Variants in VWA2 observed in about 807,000 individuals in gnomAD.
The protein encoded by VWA2 is von Willebrand factor A domain containing 2.
In VWA2, 73 loss-of-function variants were observed where a neutral mutation model predicts 70.4. That is an observed-to-expected ratio of 1.04 (90% confidence interval 0.86 to 1.26). The LOEUF is 1.26. Ranked by LOEUF, VWA2 falls within the 50% of genes most tolerant of loss-of-function variation. The pLI, the probability that VWA2 is intolerant of heterozygous loss-of-function variation, is 0.00. For synonymous variants in VWA2, 407 were observed against 423.3 expected (o/e 0.96, Z 0.47); for missense variants, 1,011 against 998.5 (o/e 1.01, Z -0.17).
intron 5 of VWA2, among the ~76,000 whole-genome samples, chr10:114,264,833 C>A (rs1277022900): frequency 6.6e-6 from 1 of 152,222 alleles, no homozygotes; most frequent in Non-Finnish European, 1.5e-5. Context: ...GATTCTCCTG[C>A]CTCAGCCTCC....
chr10:114,251,614 C>G (rs2037197192), intron 2 of VWA2, among the ~76,000 whole-genome samples: 1 of 152,072 alleles, frequency 6.6e-6, no homozygotes, highest in African/African-American at 2.4e-5. Flanking sequence ...GGACTCAGCT[C>G]AGGAAACCTT....
chr10:114,244,975 T>C (rs187418822), intron 1 of VWA2, among the ~76,000 whole-genome samples: 145 of 152,316 alleles, frequency 9.5e-4, no homozygotes, highest in African/African-American at 3.4e-3. Flanking sequence ...CTAGATAGTC[T>C]GTAGTCTCAG....
At chr10:114,277,166 G>GTTTTT (rs1564727758) in intron 6 of VWA2, among the ~76,000 whole-genome samples, 6 of 89,394 alleles carry the variant, frequency 6.7e-5, no homozygotes, top group African/African-American at 1.4e-4. Context: ...CTGACTGCAC[G>GTTTTT]TCTTTTTTTT....
At position 114,293,930 on chromosome 10, in the gene VWA2, A is replaced by C. The variant is rs10749158; in HGVS notation, c.*2693A>C. On this transcript the variant is annotated 3_prime_UTR_variant, in exon 14 of 14. Coordinates refer to ENST00000392982, the MANE Select transcript of VWA2 (RefSeq NM_001272046.2). ...ATCTGGTTCTTGACTTTTTCATCAT[A>C]ATAATTGTTTTCTATGGGTTACTTA... 2.0e-5 allele frequency among the ~76,000 whole-genome samples: 3 copies of C among 152,104 alleles called. No individual in the cohort carries two copies. Among genetic ancestry groups the C allele is most frequent in the Non-Finnish European group, 4.4e-5 (3 of 68,014 alleles).
intron 5 of VWA2, among the ~76,000 whole-genome samples, chr10:114,262,363 C>A (rs2037462882): frequency 6.6e-6 from 1 of 151,196 alleles, no homozygotes; most frequent in South Asian, 2.1e-4. Flanking sequence ...TGCATATATA[C>A]ATATGCACAT....
At chr10:114,251,009 A>G (rs1297168557) in intron 2 of VWA2, among the ~76,000 whole-genome samples, 2 of 152,226 alleles carry the variant, frequency 1.3e-5, no homozygotes, top group Non-Finnish European at 2.9e-5. Context: ...TGGGACTAAC[A>G]CCCAGTTCTC....
intron 2 of VWA2, among the ~76,000 whole-genome samples, chr10:114,250,183 C>A (rs2037166407): frequency 6.6e-6 from 1 of 152,226 alleles, no homozygotes; most frequent in Admixed American, 6.5e-5. Flanking sequence ...AAAATGACAT[C>A]TTTTCCATAA....
chr10:114,247,674 A>AT (rs979636227), intron 1 of VWA2, among the ~76,000 whole-genome samples: 4 of 151,992 alleles, frequency 2.6e-5, no homozygotes, highest in African/African-American at 9.7e-5. Context: ...AAAAAAAAAA[A>AT]CAAAACGGAG....
intron 5 of VWA2, among the ~76,000 whole-genome samples, chr10:114,270,527 T>C (rs1357078013): frequency 6.6e-6 from 1 of 152,240 alleles, no homozygotes; most frequent in Non-Finnish European, 1.5e-5. Context: ...ACCATGGATG[T>C]AAGGATTACA....
chr10:114,247,238 G>A (rs2037091897), intron 1 of VWA2, among the ~76,000 whole-genome samples: 1 of 152,100 alleles, frequency 6.6e-6, no homozygotes, highest in Middle Eastern at 3.2e-3. Flanking sequence ...TTCTCTGGTG[G>A]CATTCCCTTA....
At chr10:114,265,142 G>A (rs7076602) in intron 5 of VWA2, among the ~76,000 whole-genome samples, 6 of 152,174 alleles carry the variant, frequency 3.9e-5, no homozygotes, top group African/African-American at 1.4e-4. Flanking sequence ...GCTTCTTTTT[G>A]GGGTAAAGAA....
At chr10:114,273,735 AG>A (rs1320563446) in intron 6 of VWA2, among the ~76,000 whole-genome samples, 2 of 152,206 alleles carry the variant, frequency 1.3e-5, no homozygotes, top group African/African-American at 4.8e-5. Context: ...TAATAAATCC[AG>A]GGTTGTCTTT....
chr10:114,267,693 C>T (rs2037603592), intron 5 of VWA2, among the ~76,000 whole-genome samples: 1 of 151,880 alleles, frequency 6.6e-6, no homozygotes, highest in Non-Finnish European at 1.5e-5. Flanking sequence ...CCACCCACCT[C>T]GGCCTTCCAA....
chr10:114,271,608 AACACACACACACACAC>A (rs142127208), intron 5 of VWA2, among the ~76,000 whole-genome samples: 2 of 144,700 alleles, frequency 1.4e-5, no homozygotes, highest in African/African-American at 2.6e-5. Flanking sequence ...GAGAAGTAAA[AACACACACACACACAC>A]ACACACACAC....
At chr10:114,242,105 C>T (rs950562350) in intron 1 of VWA2, among the ~76,000 whole-genome samples, 1 of 152,190 alleles carries the variant, frequency 6.6e-6, no homozygotes, top group African/African-American at 2.4e-5. Flanking sequence ...TAGCTGCTGA[C>T]TTTCCTTGAA....
chr10:114,240,901 A>T (rs1285285263), intron 1 of VWA2, among the ~76,000 whole-genome samples: 1 of 152,208 alleles, frequency 6.6e-6, no homozygotes, highest in African/African-American at 2.4e-5. Flanking sequence ...TGCTTTCCTC[A>T]TCATCTCTGG....
chr10:114,247,359 C>T (rs2037094186), intron 1 of VWA2, among the ~76,000 whole-genome samples: 1 of 152,050 alleles, frequency 6.6e-6, no homozygotes, highest in South Asian at 2.1e-4. Context: ...CATGCTCTAC[C>T]TCCATTTAGG....
chr10:114,282,491 A>G (rs1337679729), intron 8 of VWA2, 25 bp from the exon 9 acceptor site: 4 of 1,608,316 alleles, frequency 2.5e-6, no homozygotes, highest in Non-Finnish European at 3.4e-6. Flanking sequence ...TGATCTGTCT[A>G]TAATTCTGTT....
chr10:114,289,992 CAAAAAAAA>C, intron 12 of VWA2: 1 of 212,392 alleles, frequency 4.7e-6, no homozygotes, highest in South Asian at 9.7e-5. Flanking sequence ...GATTCTGCCT[CAAAAAAAA>C]AAAAAAAAAA....
Sources: gnomAD v4.1 joint callset for allele counts (sites outside exome capture counted in the v4.1 genomes callset) on GRCh38, gnomAD v4.1.1 for gene constraint, MANE v1.5 for transcripts, NCBI Gene and HGNC (gene_info 2026-07-23, HGNC 2026-07-21) for gene names.